The following RSPH14 variants were observed in gnomAD, a reference collection of about 807,000 sequenced individuals.
RSPH14 encodes the protein rhabdoid tumor deletion region gene 1.
RSPH14 carries 20 observed loss-of-function variants against 26.7 expected under a neutral mutation model. The observed-to-expected ratio is 0.75, with a 90% CI of 0.53 to 1.09. The LOEUF (loss-of-function observed/expected upper bound fraction) is 1.09, where lower values mean the gene tolerates loss of function less well. Among genes scored for constraint, RSPH14 ranks in the 50% least tolerant of loss-of-function variants. The pLI, the probability that RSPH14 is intolerant of heterozygous loss-of-function variation, is 0.00. For missense variants in RSPH14, 449 were observed against 457.2 expected (o/e 0.98, Z 0.16); for synonymous variants, 177 against 189.3 (o/e 0.93, Z 0.53).
At chr22:23,083,752 C>G (rs1358403484) in intron 4 of RSPH14, among the ~76,000 whole-genome samples, 2 of 152,194 alleles carry the variant, frequency 1.3e-5, no homozygotes, top group Non-Finnish European at 2.9e-5. Flanking sequence ...TGGGGCATCC[C>G]TTCCATTTCT....
At chr22:23,169,583 G>A in the RSPH14 span, among the ~76,000 whole-genome samples, 27 of 152,292 alleles carry the variant, frequency 1.8e-4, no homozygotes, top group East Asian at 4.8e-3. Context: ...CTCAAGTCTG[G>A]GCCCCCAGTT....
rs776888198 is a variant in RSPH14, at chr22:23,059,483, A to T, written c.1026T>A (p.Ser342Arg). Residue 342 changes from serine to arginine, a missense_variant, in exon 7 of 7, where the codon AGT (serine) becomes AGA (arginine). By Grantham distance (110) the Ser-to-Arg change is moderately radical. Coordinates refer to ENST00000216036, the MANE Select transcript of RSPH14 (RefSeq NM_014433.3). The part of the protein sequence containing the change: ...ALQRAARIAI[S>R]VIEFKP ...GGGCTCAGGGTTTGAACTCGATGAC[A>T]CTGATGGCGATCCGGGCTGCCCGCT... The T allele has an allele frequency of 5.6e-6, 9 of 1,611,950 alleles. No homozygotes were observed. The highest frequency in any genetic ancestry group is 5.9e-6 in the Non-Finnish European group (7 of 1,178,538).
At chr22:23,151,450 C>T in the RSPH14 span, among the ~76,000 whole-genome samples, 1 of 152,212 alleles carries the variant, frequency 6.6e-6, no homozygotes, top group Admixed American at 6.5e-5. Context: ...AGGTGACCTG[C>T]AGCCCAGGTC....
chr22:23,137,613 T>C (rs2070504747), intron 3 of RSPH14, among the ~76,000 whole-genome samples: 1 of 152,130 alleles, frequency 6.6e-6, no homozygotes, highest in African/African-American at 2.4e-5. Flanking sequence ...GAAGCCTCTC[T>C]GAATGGCTGC....
chr22:23,173,120 GTTTC>G, the RSPH14 span, among the ~76,000 whole-genome samples: 26 of 152,082 alleles, frequency 1.7e-4, no homozygotes, highest in African/African-American at 5.5e-4. Flanking sequence ...ATGTACCACA[GTTTC>G]TTTCTTTCTT....
At chr22:23,069,591 C>T (rs1282269760) in intron 4 of RSPH14, among the ~76,000 whole-genome samples, 1 of 152,312 alleles carries the variant, frequency 6.6e-6, no homozygotes, top group African/African-American at 2.4e-5. Flanking sequence ...GGCTCTCTCA[C>T]GCTTGTCTGG....
chr22:23,065,435 G>A (rs2068185839), intron 4 of RSPH14, among the ~76,000 whole-genome samples: 1 of 145,244 alleles, frequency 6.9e-6, no homozygotes, highest in South Asian at 2.2e-4. Flanking sequence ...GGAGCAGCTA[G>A]ATCTGCCCTG....
chr22:23,090,455 G>C (rs1398219616), intron 4 of RSPH14, among the ~76,000 whole-genome samples: 1 of 152,150 alleles, frequency 6.6e-6, no homozygotes, highest in African/African-American at 2.4e-5. Context: ...TCTGGCTTCA[G>C]CGCAGCAGCC....
At chr22:23,116,892 G>C (rs555628742) in intron 4 of RSPH14, among the ~76,000 whole-genome samples, 26 of 152,308 alleles carry the variant, frequency 1.7e-4, no homozygotes, top group South Asian at 4.1e-4. Flanking sequence ...GCACCTGGGA[G>C]GGGGACAGGC....
intron 1 of RSPH14, among the ~76,000 whole-genome samples, chr22:23,140,856 G>A (rs974435883): frequency 1.1e-4 from 16 of 152,160 alleles, no homozygotes; most frequent in Non-Finnish European, 1.6e-4. Flanking sequence ...CATAAGGAGG[G>A]GGCTGGTATT....
chr22:23,161,206 C>T, the RSPH14 span, among the ~76,000 whole-genome samples: 2 of 152,208 alleles, frequency 1.3e-5, no homozygotes, highest in South Asian at 4.1e-4. Flanking sequence ...CCTAGCCCTC[C>T]CTGTTCTCCT....
upstream of RSPH14, among the ~76,000 whole-genome samples, chr22:23,146,382 G>GT (rs900607989): frequency 1.5e-4 from 22 of 151,062 alleles, no homozygotes; most frequent in African/African-American, 2.4e-4. Flanking sequence ...AATTTTTTTG[G>GT]TTTTTTTTTG....
At chr22:23,086,338 G>A (rs1023382667) in intron 4 of RSPH14, among the ~76,000 whole-genome samples, 2 of 152,186 alleles carry the variant, frequency 1.3e-5, no homozygotes, top group African/African-American at 2.4e-5. Flanking sequence ...TTCTACAGCC[G>A]TAAAGCCGAG....
chr22:23,104,382 G>C (rs887466418), intron 4 of RSPH14, among the ~76,000 whole-genome samples: 1 of 152,172 alleles, frequency 6.6e-6, no homozygotes, highest in African/African-American at 2.4e-5. Flanking sequence ...TCTGCCTCGT[G>C]ATCAGGCTGG....
chr22:23,130,123 G>GAA (rs1372567497), intron 4 of RSPH14, among the ~76,000 whole-genome samples: 2 of 111,926 alleles, frequency 1.8e-5, no homozygotes, highest in Non-Finnish European at 3.8e-5. Context: ...AAGAAAGAAA[G>GAA]AAAGAAAGAA....
intron 4 of RSPH14, among the ~76,000 whole-genome samples, chr22:23,072,038 T>C (rs567275036): frequency 6.6e-6 from 1 of 152,148 alleles, no homozygotes; most frequent in Admixed American, 6.5e-5. Context: ...GCGAAGCAGT[T>C]CCATGACCCC....
upstream of RSPH14, chr22:23,146,045 G>C (rs1428834338): frequency 1.3e-5 from 13 of 982,136 alleles, no homozygotes; most frequent in Non-Finnish European, 1.6e-5. Context: ...GCTCAGAGGG[G>C]AGCTCCTCCT....
intron 4 of RSPH14, among the ~76,000 whole-genome samples, chr22:23,068,685 G>T (rs1378416171): frequency 6.6e-6 from 1 of 152,222 alleles, no homozygotes; most frequent in Non-Finnish European, 1.5e-5. Context: ...CCCAGACTCT[G>T]CAGTGGAAAC....
intron 4 of RSPH14, among the ~76,000 whole-genome samples, chr22:23,064,683 A>T (rs1332521195): frequency 6.6e-6 from 1 of 152,060 alleles, no homozygotes; most frequent in African/African-American, 2.4e-5. Context: ...ACTCACCAAA[A>T]AGAGCTGTGC....
Sources: allele counts gnomAD v4.1 joint callset (sites outside exome capture counted in the v4.1 genomes callset), GRCh38; gene constraint gnomAD v4.1.1; transcripts MANE v1.5; gene names NCBI Gene and HGNC (gene_info 2026-07-23, HGNC 2026-07-21).